Variants in ADGRB3 observed in about 807,000 individuals in gnomAD.
The protein encoded by ADGRB3 is adhesion G protein-coupled receptor B3, also known as brain-specific angiogenesis inhibitor 3.
ADGRB3 carries 37 observed loss-of-function variants against 193.4 expected under a neutral mutation model. That is an observed-to-expected ratio of 0.19 (90% CI 0.15 to 0.25). ADGRB3 has a LOEUF of 0.25. Among genes scored for constraint, ADGRB3 ranks in the 10% least tolerant of loss-of-function variants. The probability of loss-of-function intolerance (pLI) is 1.00; values close to 1 mark genes in which losing one functional copy is unlikely to be tolerated. For missense variants in ADGRB3, 1,637 were observed against 1,852.9 expected, an observed-to-expected ratio of 0.88 and a Z score of 2.14; for synonymous variants, 690 against 644.2, an observed-to-expected ratio of 1.07 and a Z score of -1.08.
rs9454604 is a variant in ADGRB3 at position 68,662,656 on chromosome 6, A to T, written c.757+23224A>T. Among the ~76,000 whole-genome samples, 1,012 of 151,712 alleles carry T rather than the reference A, an allele frequency of 6.7e-3. 16 individuals carry two copies. Among genetic ancestry groups the T allele is most frequent in the African/African-American group, 0.023 (971 of 41,520 alleles). The stretch of plus-strand genomic sequence containing the variant: ...GTGATAAATGAGTATATCTCAAAAC[A>T]GTATTAGAATATAAAATTCATCTGC... On this transcript the variant is annotated intron_variant, in intron 3 of 31. Transcript: ENST00000370598.
intron 3 of ADGRB3, among the ~76,000 whole-genome samples, chr6:68,731,221 T>C (rs2127332097): frequency 6.6e-6 from 1 of 151,782 alleles, no homozygotes; most frequent in South Asian, 2.1e-4. Context: ...TATTTTACCA[T>C]GAAGAATGTT....
intron 3 of ADGRB3, among the ~76,000 whole-genome samples, chr6:68,920,744 A>G (rs1466895690): frequency 1.3e-5 from 2 of 152,108 alleles, no homozygotes; most frequent in African/African-American, 4.8e-5. Context: ...GAAAGAATAT[A>G]TTGAACAAAA....
At chr6:68,883,391 C>T (rs1019629778) in intron 3 of ADGRB3, among the ~76,000 whole-genome samples, 16 of 152,302 alleles carry the variant, frequency 1.1e-4, no homozygotes, top group African/African-American at 3.4e-4. Flanking sequence ...TAAAAGCAGG[C>T]TGCAGCACCA....
chr6:69,026,927 GGTGA>G (rs1479516774), intron 13 of ADGRB3, among the ~76,000 whole-genome samples: 3 of 152,120 alleles, frequency 2.0e-5, no homozygotes, highest in African/African-American at 7.2e-5. Context: ...GTGAGTGAGT[GGTGA>G]GTGAGTGTGA....
intron 3 of ADGRB3, among the ~76,000 whole-genome samples, chr6:68,889,781 C>T (rs374523371): frequency 3.3e-5 from 5 of 152,068 alleles, no homozygotes; most frequent in African/African-American, 1.2e-4. Flanking sequence ...GGATTACAGG[C>T]GTGAGCCACC....
chr6:69,344,221 G>T (rs1240136038), intron 26 of ADGRB3, among the ~76,000 whole-genome samples: 1 of 152,094 alleles, frequency 6.6e-6, no homozygotes, highest in Non-Finnish European at 1.5e-5. Flanking sequence ...AGAATCCTGT[G>T]GCTGTTCTGT....
chr6:69,125,491 C>A (rs997214640), intron 17 of ADGRB3, among the ~76,000 whole-genome samples: 9 of 152,226 alleles, frequency 5.9e-5, no homozygotes, highest in Admixed American at 3.9e-4. Flanking sequence ...ACAGAGATCC[C>A]TTGCCCCTTC....
chr6:69,030,956 T>TTTTCTTTTCTTTTC (rs58901577), intron 13 of ADGRB3, among the ~76,000 whole-genome samples: 1,667 of 72,368 alleles, frequency 0.023, 443 homozygotes, highest in African/African-American at 0.082. Flanking sequence ...TTCTTTTCTT[T>TTTTCTTTTCTTTTC]TTTTCTTTTC....
intron 30 of ADGRB3, among the ~76,000 whole-genome samples, chr6:69,374,075 C>T (rs1028183968): frequency 1.3e-5 from 2 of 152,122 alleles, no homozygotes; most frequent in African/African-American, 4.8e-5. Context: ...AATTGCAACA[C>T]AAGAACCCCG....
At chr6:68,966,184 G>A (rs537005016) in intron 8 of ADGRB3, among the ~76,000 whole-genome samples, 1 of 151,988 alleles carries the variant, frequency 6.6e-6, no homozygotes, top group Non-Finnish European at 1.5e-5. Context: ...CAGCCATAGT[G>A]CTGAGCCCAT....
chr6:69,007,663 G>A (rs1388889814), intron 11 of ADGRB3, among the ~76,000 whole-genome samples: 1 of 137,226 alleles, frequency 7.3e-6, no homozygotes, highest in African/African-American at 2.8e-5. Context: ...CTAATCTAAA[G>A]TAATCTCTCT....
At chr6:68,694,750 T>C (rs1262661054) in intron 3 of ADGRB3, among the ~76,000 whole-genome samples, 4 of 151,996 alleles carry the variant, frequency 2.6e-5, no homozygotes, top group Non-Finnish European at 5.9e-5. Flanking sequence ...CAATAACTGC[T>C]CCTGTCCCTC....
intron 3 of ADGRB3, among the ~76,000 whole-genome samples, chr6:68,704,875 T>G (rs960969600): frequency 1.3e-5 from 2 of 152,216 alleles, no homozygotes; most frequent in Non-Finnish European, 2.9e-5. Flanking sequence ...TGGTTAGTAA[T>G]TTAGCTATAT....
intron 3 of ADGRB3, among the ~76,000 whole-genome samples, chr6:68,738,669 G>T (rs144916342): frequency 8.7e-4 from 132 of 152,216 alleles, no homozygotes; most frequent in African/African-American, 3.1e-3. Context: ...AAGGTTTTTG[G>T]CATGAGCAAT....
intron 17 of ADGRB3, among the ~76,000 whole-genome samples, chr6:69,136,873 A>C (rs1774164111): frequency 6.6e-6 from 1 of 152,034 alleles, no homozygotes; most frequent in South Asian, 2.1e-4. Context: ...TGTTTGTATA[A>C]ACACATTACC....
chr6:69,388,665 A>G, intron 31 of ADGRB3, 38 bp from the exon 32 acceptor site: 1 of 1,571,952 alleles, frequency 6.4e-7, no homozygotes, highest in Non-Finnish European at 8.7e-7. Context: ...GATCCTGGTC[A>G]TCACATAAAT....
chr6:69,380,050 A>G (rs1333563279), intron 30 of ADGRB3, among the ~76,000 whole-genome samples: 1 of 151,958 alleles, frequency 6.6e-6, no homozygotes, highest in Non-Finnish European at 1.5e-5. Flanking sequence ...TAGCAATCCA[A>G]TTCTTTGAAA....
At chr6:69,363,505 A>G (rs1198511325) in intron 29 of ADGRB3, among the ~76,000 whole-genome samples, 2 of 152,052 alleles carry the variant, frequency 1.3e-5, no homozygotes, top group African/African-American at 4.8e-5. Flanking sequence ...AGTTGTTATA[A>G]TCCTCAAACT....
intron 13 of ADGRB3, among the ~76,000 whole-genome samples, chr6:69,021,802 A>T (rs1469796502): frequency 1.3e-5 from 2 of 151,912 alleles, no homozygotes; most frequent in African/African-American, 2.4e-5. Context: ...TTTTTCTGAA[A>T]AATCTCCCTG....
Sources: gnomAD v4.1 joint callset for allele counts (sites outside exome capture counted in the v4.1 genomes callset) on GRCh38, gnomAD v4.1.1 for gene constraint, MANE v1.5 for transcripts, NCBI Gene and HGNC (gene_info 2026-07-23, HGNC 2026-07-21) for gene names.